The following RXRA variants were observed in gnomAD, a reference collection of about 807,000 sequenced individuals.
RXRA encodes retinoid X receptor alpha.
Under a neutral mutation model 44.5 loss-of-function variants are expected in RXRA, and 5 were observed. The ratio of observed to expected loss-of-function variants is 0.11; its 90% CI spans 0.06 to 0.24. RXRA has a LOEUF of 0.24. Ranked by LOEUF, RXRA falls within the 10% of genes least tolerant of loss-of-function variation. RXRA has a pLI of 1.00. For synonymous variants in RXRA, 291 were observed against 271.4 expected (o/e 1.07, Z -0.71); for missense variants, 412 against 646.5 (o/e 0.64, Z 3.93).
chr9:134,399,511 C>T (rs1455222559), intron 1 of RXRA, among the ~76,000 whole-genome samples: 1 of 152,172 alleles, frequency 6.6e-6, no homozygotes. Flanking sequence ...CTCTCCCTGG[C>T]CTTCTGCACC....
In RXRA at chr9:134,426,952, G is replaced by T. The variant is rs1831443633; in HGVS notation, c.911-2156G>T. 1 of 985,236 alleles carries T rather than the reference G, an allele frequency of 1.0e-6. No homozygotes were observed. The highest frequency in any genetic ancestry group is 1.2e-6 in the Non-Finnish European group (1 of 829,920). 61.0% of individuals were successfully genotyped at this position (985,236 alleles called of 1,614,324 possible). On this transcript the variant is annotated intron_variant, in intron 6 of 9. Transcript: ENST00000481739. This position sits in a 1 kb window ranked among gnomAD's most constrained non-coding sequence, Gnocchi z 4.6. ...GAGCATTTGCTCTCACTGGATGTCA[G>T]ACCCAGTGCCTCTCAGCCTGGGAAA...
At chr9:134,394,909 A>T (rs1830856126) in intron 1 of RXRA, among the ~76,000 whole-genome samples, 3 of 152,188 alleles carry the variant, frequency 2.0e-5, no homozygotes. Flanking sequence ...GGGTGAGCGG[A>T]TAGGGAGTCA....
intron 1 of RXRA, among the ~76,000 whole-genome samples, chr9:134,378,969 G>A (rs1830598961): frequency 6.6e-6 from 1 of 152,224 alleles, no homozygotes; most frequent in African/African-American, 2.4e-5. Flanking sequence ...GTCCTCGGGT[G>A]GGAACACACG....
intron 1 of RXRA, among the ~76,000 whole-genome samples, chr9:134,400,203 G>A (rs908284933): frequency 3.3e-5 from 5 of 152,198 alleles, no homozygotes; most frequent in Non-Finnish European, 2.9e-5. Context: ...CCCATGAGAG[G>A]CCTGGCCCAG....
intron 1 of RXRA, among the ~76,000 whole-genome samples, chr9:134,385,941 C>T (rs920882322): frequency 3.9e-5 from 6 of 152,234 alleles, no homozygotes; most frequent in South Asian, 2.1e-4. Flanking sequence ...AGACCATCTG[C>T]GGCACCAGCT....
At chr9:134,394,325 A>T (rs943885450) in intron 1 of RXRA, among the ~76,000 whole-genome samples, 1 of 132,326 alleles carries the variant, frequency 7.6e-6, no homozygotes, top group African/African-American at 2.8e-5. Flanking sequence ...GCCTTCACAG[A>T]CATTGCTTTA....
chr9:134,388,923 T>C (rs1003212789), intron 1 of RXRA, among the ~76,000 whole-genome samples: 15 of 152,090 alleles, frequency 9.9e-5, no homozygotes, highest in African/African-American at 3.6e-4. Flanking sequence ...TGGGTGTGGG[T>C]CAGAAGCCCT....
rs1554748159 is a variant in RXRA, at chr9:134,342,058, G to A, written c.28+15399G>A. Among the ~76,000 whole-genome samples, 1 of 152,196 alleles carries A rather than the reference G, an allele frequency of 6.6e-6. No individual in the cohort carries two copies. The stretch of plus-strand genomic sequence containing the variant: ...CTGGAGCCTGCCTGTGGTGGGTGTT[G>A]CTGGCTGGGGGACATGAAGACCCCG... On this transcript the variant is annotated intron_variant, in intron 1 of 9. Transcript: ENST00000481739. This position sits in a 1 kb window ranked among gnomAD's most constrained non-coding sequence, Gnocchi z 4.4.
chr9:134,350,901 A>G (rs887921697), intron 1 of RXRA, among the ~76,000 whole-genome samples: 1 of 152,206 alleles, frequency 6.6e-6, no homozygotes, highest in Non-Finnish European at 1.5e-5. Context: ...ACCCAGGGCC[A>G]ACGTCAGCAC....
In RXRA at chr9:134,343,981, A is replaced by G. The variant is rs1422994821; in HGVS notation, c.28+17322A>G. On this transcript the variant is annotated intron_variant, in intron 1 of 9. Transcript: ENST00000481739. This position sits in a 1 kb window ranked among gnomAD's most constrained non-coding sequence, Gnocchi z 4.1. ...TCCCCACAGGATGCAGCCCTTCCTC[A>G]TGGGGCCTGGTCCTGCTGAGGTTCC... is the stretch of plus-strand genomic sequence containing the variant. Among the ~76,000 whole-genome samples, 3 of 151,774 alleles carry G rather than the reference A, an allele frequency of 2.0e-5. No homozygotes were observed. The highest frequency in any genetic ancestry group is 4.4e-5 in the Non-Finnish European group (3 of 67,930).
intron 4 of RXRA, among the ~76,000 whole-genome samples, chr9:134,410,498 T>G (rs532031773): frequency 7.2e-5 from 11 of 152,252 alleles, no homozygotes; most frequent in South Asian, 4.1e-4. Context: ...GAGAGGTGTG[T>G]ACCCAGCCTG....
Position 134,433,881 on chromosome 9 carries a change from C to T in RXRA, c.1136-221C>T, listed in dbSNP as rs1468738125. 1.3e-5 allele frequency among the ~76,000 whole-genome samples: 2 copies of T among 152,318 alleles called. No individual in the cohort carries two copies. Among genetic ancestry groups the T allele is most frequent in the East Asian group, 3.9e-4 (2 of 5,174 alleles). ...TGGCTGGCAAGTGGCAGAGCTGAGC[C>T]TGGACCCAGAGCAGCCTGGCCTGGC... On this transcript the variant is annotated intron_variant, in intron 8 of 9. Coordinates refer to ENST00000481739, the MANE Select transcript of RXRA (RefSeq NM_002957.6). The surrounding 1 kb of genome is among the most constrained non-coding windows in gnomAD (Gnocchi z 4.2).
At position 134,407,800 on chromosome 9, in the gene RXRA, G is replaced by T. The variant is rs935100677; in HGVS notation, c.280-349G>T. The stretch of plus-strand genomic sequence containing the variant: ...CCCAGCGGGGCTGGGCACTGCCAGG[G>T]GCTCAGTAATGAGAGGCAGCTCTCA... On this transcript the variant is annotated intron_variant, in intron 2 of 9. Transcript: ENST00000481739. The surrounding 1 kb of genome is among the most constrained non-coding windows in gnomAD (Gnocchi z 4.8). Among the ~76,000 whole-genome samples the T allele has an allele frequency of 2.0e-5, 3 of 152,120 alleles. No individual in the cohort carries two copies. The East Asian group carries it at 5.8e-4, about 29-fold the overall frequency.
At chr9:134,387,567 G>A (rs1045217718) in intron 1 of RXRA, among the ~76,000 whole-genome samples, 4 of 152,246 alleles carry the variant, frequency 2.6e-5, no homozygotes, top group African/African-American at 9.6e-5. Flanking sequence ...AGGCTGTGCC[G>A]GGCAGTCTCT....
intron 1 of RXRA, among the ~76,000 whole-genome samples, chr9:134,371,587 A>G (rs1243356874): frequency 6.6e-6 from 1 of 152,150 alleles, no homozygotes; most frequent in Non-Finnish European, 1.5e-5. Flanking sequence ...GCCCCATTTC[A>G]TGGCCATGGC....
chr9:134,359,592 A>G (rs1400474599), intron 1 of RXRA, among the ~76,000 whole-genome samples: 3 of 151,560 alleles, frequency 2.0e-5, no homozygotes, highest in Admixed American at 6.6e-5. Flanking sequence ...GGCTACCTTG[A>G]CCTCCGGGGA....
In RXRA at chr9:134,407,392, A is replaced by C. The variant is rs912729643; in HGVS notation, c.280-757A>C. Reference sequence around the variant, plus strand: ...GGCTGGCTGGCAGGCTGCAGCGGGAAGCGCCTGTGGGTCCTCGGCGCTGAC... The same window carrying C: ...GGCTGGCTGGCAGGCTGCAGCGGGACGCGCCTGTGGGTCCTCGGCGCTGAC... On this transcript the variant is annotated intron_variant, in intron 2 of 9. Transcript: ENST00000481739. This position sits in a 1 kb window ranked among gnomAD's most constrained non-coding sequence, Gnocchi z 4.8. 6.6e-6 allele frequency among the ~76,000 whole-genome samples: 1 copy of C among 152,168 alleles called. No individual in the cohort carries two copies. The highest frequency in any genetic ancestry group is 1.5e-5 in the Non-Finnish European group (1 of 68,016).
At chr9:134,348,754 G>GAGA (rs1830185265) in intron 1 of RXRA, among the ~76,000 whole-genome samples, 1 of 152,238 alleles carries the variant, frequency 6.6e-6, no homozygotes, top group Non-Finnish European at 1.5e-5. Context: ...TCCGCCATGT[G>GAGA]CTGCCTCAGG....
chr9:134,378,748 G>A (rs1830596180), intron 1 of RXRA, among the ~76,000 whole-genome samples: 1 of 152,206 alleles, frequency 6.6e-6, no homozygotes, highest in Non-Finnish European at 1.5e-5. Flanking sequence ...GCCTGGAGTT[G>A]GGGTTTGCCG....
Sources: gnomAD v4.1 joint callset for allele counts (sites outside exome capture counted in the v4.1 genomes callset) on GRCh38, gnomAD v4.1.1 for gene constraint, Gnocchi (gnomAD v3.1) non-coding constraint, MANE v1.5 for transcripts, NCBI Gene and HGNC (gene_info 2026-07-23, HGNC 2026-07-21) for gene names.